Variants in MND1 observed in about 807,000 individuals in gnomAD.
MND1 encodes the protein meiotic nuclear division protein 1 homolog.
MND1 carries 28 observed loss-of-function variants against 35.1 expected under a neutral mutation model. The observed-to-expected ratio is 0.80, with a 90% CI of 0.59 to 1.09. MND1 has a LOEUF of 1.09. Among genes scored for constraint, MND1 ranks in the 50% least tolerant of loss-of-function variants. The pLI, the probability that MND1 is intolerant of heterozygous loss-of-function variation, is 0.00. For missense variants in MND1, 213 were observed against 239.6 expected (o/e 0.89, Z 0.73); for synonymous variants, 69 against 70.5 (o/e 0.98, Z 0.11).
In MND1 at chr4:153,364,273, TGGG is replaced by T. The variant is rs565410518; in HGVS notation, c.276+5655_276+5657del. On this transcript the variant is annotated intron_variant, in intron 4 of 7. Transcript: ENST00000240488. ...GTGTGCATCTGTGGTCTCAGCTACT[TGGG>T]GGGCCTGAGGTGGGAGGATCACTTG... Among the ~76,000 whole-genome samples, 36 of 152,006 alleles carry T rather than the reference TGGG, an allele frequency of 2.4e-4. No individual in the cohort carries two copies. In the South Asian group the frequency reaches 7.3e-3, roughly 31 times the overall value.
At chr4:153,365,802 AT>A (rs1165430529) in intron 4 of MND1, among the ~76,000 whole-genome samples, 2 of 152,138 alleles carry the variant, frequency 1.3e-5, no homozygotes, top group Non-Finnish European at 2.9e-5. Flanking sequence ...GTGGCAGTGG[AT>A]TTGTGAAAAA....
At chr4:153,409,988 C>T (rs1579960526) in intron 7 of MND1, among the ~76,000 whole-genome samples, 2 of 152,284 alleles carry the variant, frequency 1.3e-5, no homozygotes, top group African/African-American at 2.4e-5. Flanking sequence ...TAGGCACAGG[C>T]AGCATGTGTG....
chr4:153,365,092 T>G (rs1773594042), intron 4 of MND1, among the ~76,000 whole-genome samples: 1 of 128,810 alleles, frequency 7.8e-6, no homozygotes, highest in South Asian at 2.6e-4. Flanking sequence ...AACCAGATGT[T>G]GTTGCCACCA....
chr4:153,363,361 G>A (rs558451845), intron 4 of MND1, among the ~76,000 whole-genome samples: 16 of 151,872 alleles, frequency 1.1e-4, no homozygotes, highest in Middle Eastern at 3.4e-3. Context: ...ACAAGCGCCC[G>A]CCACCACACC....
intron 4 of MND1, among the ~76,000 whole-genome samples, chr4:153,390,917 A>ATGTGTGTGTG (rs1472569852): frequency 9.7e-6 from 1 of 103,122 alleles, no homozygotes; most frequent in South Asian, 3.1e-4. Context: ...GTGTGTGTGT[A>ATGTGTGTGTG]TATGTGTGTG....
chr4:153,354,206 C>A (rs904834494), intron 2 of MND1, among the ~76,000 whole-genome samples: 1 of 151,882 alleles, frequency 6.6e-6, no homozygotes, highest in Non-Finnish European at 1.5e-5. Context: ...TAATGTTTTG[C>A]TTTGCATGTG....
intron 4 of MND1, among the ~76,000 whole-genome samples, chr4:153,368,445 C>T (rs1340325217): frequency 6.6e-6 from 1 of 152,220 alleles, no homozygotes; most frequent in Non-Finnish European, 1.5e-5. Context: ...CTAAAAAATA[C>T]TCATCTTTCC....
chr4:153,403,096 A>G (rs903819766), intron 6 of MND1, among the ~76,000 whole-genome samples: 1 of 152,056 alleles, frequency 6.6e-6, no homozygotes, highest in Non-Finnish European at 1.5e-5. Context: ...TGATCGTGCC[A>G]CTCTGCTCCA....
intron 4 of MND1, chr4:153,361,589 C>T (rs1218053071): frequency 8.8e-6 from 4 of 455,240 alleles, no homozygotes; most frequent in Non-Finnish European, 1.3e-5. Flanking sequence ...CCTGTAATCC[C>T]AGCACTTTGG....
chr4:153,354,343 C>T (rs986040793), intron 2 of MND1, among the ~76,000 whole-genome samples: 6 of 152,168 alleles, frequency 3.9e-5, no homozygotes, highest in Non-Finnish European at 5.9e-5. Flanking sequence ...TTGCCTGTTT[C>T]GCTTTTAGTT....
intron 1 of MND1, chr4:153,345,561 A>G (rs1167535928): frequency 1.0e-6 from 1 of 984,438 alleles, no homozygotes. Context: ...CATTTTCATA[A>G]ACCTTCAAAG....
intron 6 of MND1, among the ~76,000 whole-genome samples, chr4:153,406,523 G>C: frequency 6.6e-6 from 1 of 151,408 alleles, no homozygotes. Flanking sequence ...ATCACAAAAA[G>C]AAAAAAAGAA....
At chr4:153,358,060 G>A (rs1773388772) in intron 3 of MND1, among the ~76,000 whole-genome samples, 1 of 152,032 alleles carries the variant, frequency 6.6e-6, no homozygotes, top group Admixed American at 6.6e-5. Flanking sequence ...CTTTTTCAAA[G>A]GCTTCTCACA....
intron 4 of MND1, among the ~76,000 whole-genome samples, chr4:153,369,437 A>C (rs1773736713): frequency 6.6e-6 from 1 of 152,244 alleles, no homozygotes; most frequent in African/African-American, 2.4e-5. Flanking sequence ...ATACCACCAC[A>C]ATAAAGGGAA....
upstream of MND1, chr4:153,344,680 T>A: frequency 6.6e-7 from 1 of 1,505,716 alleles, no homozygotes; most frequent in Non-Finnish European, 9.0e-7. Context: ...CGTCCTGGCC[T>A]GTCCCGCCCC....
intron 6 of MND1, 27 bp downstream of exon 6, chr4:153,397,360 C>A: frequency 1.3e-6 from 2 of 1,513,262 alleles, no homozygotes; most frequent in South Asian, 2.4e-5. Flanking sequence ...CCTTAGGGAT[C>A]TTTAACTTTG....
intron 6 of MND1, among the ~76,000 whole-genome samples, chr4:153,402,752 C>G (rs772879970): frequency 6.6e-6 from 1 of 152,130 alleles, no homozygotes; most frequent in Non-Finnish European, 1.5e-5. Flanking sequence ...ATGCTAAAAT[C>G]CTCTCTGTGG....
At chr4:153,378,171 C>T (rs1728564276) in intron 4 of MND1, among the ~76,000 whole-genome samples, 1 of 152,134 alleles carries the variant, frequency 6.6e-6, no homozygotes, top group Non-Finnish European at 1.5e-5. Flanking sequence ...GTACTGGGTC[C>T]AGTAGTCTTA....
intron 6 of MND1, among the ~76,000 whole-genome samples, chr4:153,397,585 G>A (rs1439427048): frequency 6.6e-6 from 1 of 152,130 alleles, no homozygotes; most frequent in Non-Finnish European, 1.5e-5. Context: ...GGGAGGCTGA[G>A]GTGGGTGGAT....
Sources: gnomAD v4.1 joint callset for allele counts (sites outside exome capture counted in the v4.1 genomes callset) on GRCh38, gnomAD v4.1.1 for gene constraint, MANE v1.5 for transcripts, NCBI Gene and HGNC (gene_info 2026-07-23, HGNC 2026-07-21) for gene names.